XKR9: variants seen among roughly 807,000 people sequenced by gnomAD.
XKR9 encodes XK-related protein 9.
In XKR9, 32 loss-of-function variants were observed where a neutral mutation model predicts 32.0. The observed-to-expected ratio is 1.00, with a 90% CI of 0.76 to 1.34. The LOEUF is 1.34. XKR9 is among the 40% of genes most tolerant of loss of function. The pLI is 0.00. For synonymous variants in XKR9, 168 were observed against 143.4 expected (o/e 1.17, Z -1.22); for missense variants, 546 against 429.7 (o/e 1.27, Z -2.39).
chr8:70,744,391 C>T (rs1266428070), intron 2 of XKR9, among the ~76,000 whole-genome samples: 1 of 152,114 alleles, frequency 6.6e-6, no homozygotes. Flanking sequence ...CTCATCCCTA[C>T]TTATGACCCT....
chr8:70,682,899 A>G (rs1161689564), intron 3 of XKR9, among the ~76,000 whole-genome samples: 2 of 152,214 alleles, frequency 1.3e-5, no homozygotes, highest in Non-Finnish European at 2.9e-5. Flanking sequence ...CATCTTGAAG[A>G]TCTTCTGAAG....
chr8:70,771,236 G>A (rs941440370), intron 2 of XKR9, among the ~76,000 whole-genome samples: 2 of 152,146 alleles, frequency 1.3e-5, no homozygotes, highest in East Asian at 1.9e-4. Context: ...CCCTCTGTGA[G>A]CTACACTCAC....
intron 2 of XKR9, among the ~76,000 whole-genome samples, chr8:70,754,794 TA>T (rs1322560420): frequency 6.6e-6 from 1 of 151,810 alleles, no homozygotes; most frequent in Non-Finnish European, 1.5e-5. Context: ...ATGTTAGACC[TA>T]AAACCATAAA....
chr8:70,874,191 T>C, the XKR9 span, among the ~76,000 whole-genome samples: 8 of 152,208 alleles, frequency 5.3e-5, no homozygotes, highest in Admixed American at 4.6e-4. Context: ...CTTACTTTAT[T>C]GTGATATTTG....
intron 2 of XKR9, among the ~76,000 whole-genome samples, chr8:70,779,597 G>T (rs1287274644): frequency 6.6e-6 from 1 of 152,204 alleles, no homozygotes; most frequent in South Asian, 2.1e-4. Flanking sequence ...GCTTTTTTTG[G>T]TTGGTAGGCT....
chr8:70,832,049 T>C, the XKR9 span, among the ~76,000 whole-genome samples: 1 of 152,170 alleles, frequency 6.6e-6, no homozygotes. Flanking sequence ...GACTTAAACA[T>C]AAAAATTAAC....
intron 4 of XKR9, among the ~76,000 whole-genome samples, chr8:70,724,128 G>A (rs541475575): frequency 2.0e-5 from 3 of 152,246 alleles, no homozygotes; most frequent in South Asian, 2.1e-4. Flanking sequence ...CAGCCATTTT[G>A]CTGTGCTGTG....
At chr8:70,798,645 G>T in the XKR9 span, among the ~76,000 whole-genome samples, 1 of 152,112 alleles carries the variant, frequency 6.6e-6, no homozygotes, top group African/African-American at 2.4e-5. Flanking sequence ...GTCTGGAATG[G>T]TATTTCCTAG....
chr8:70,723,245 G>T (rs1347322866), intron 4 of XKR9, among the ~76,000 whole-genome samples: 1 of 152,072 alleles, frequency 6.6e-6, no homozygotes, highest in Admixed American at 6.6e-5. Flanking sequence ...ATTAAAACAT[G>T]CTCCTTTAGC....
At chr8:70,805,347 C>T in the XKR9 span, among the ~76,000 whole-genome samples, 2 of 152,230 alleles carry the variant, frequency 1.3e-5, no homozygotes, top group African/African-American at 4.8e-5. Flanking sequence ...TGCGCATATT[C>T]TCAACAGTCT....
intron 4 of XKR9, among the ~76,000 whole-genome samples, chr8:70,726,801 A>T (rs1806484845): frequency 6.6e-6 from 1 of 152,212 alleles, no homozygotes; most frequent in African/African-American, 2.4e-5. Context: ...ATTTTGAGAA[A>T]GTTAGCTAAA....
At position 70,734,374 on chromosome 8, in the gene XKR9, G is replaced by T. The variant is rs1209176366; in HGVS notation, c.1072G>T (p.Gly358Ter). The change falls in exon 5 of 5, where the codon GGA becomes TGA. Residue 358 changes from glycine (G) to a stop codon, truncating the protein, a stop_gained. Coordinates refer to ENST00000408926, the MANE Select transcript of XKR9 (RefSeq NM_001011720.2). LOFTEE classifies it high-confidence loss of function. ...SAETKCDEID[G>*]KPVLRECRMR... is the part of the protein sequence containing the mutation. ...AGAAACAAAATGTGATGAAATTGATGGAAAACCAGTTCTAAGAGAATGTAG... is the reference window on the plus strand; with the variant it reads ...AGAAACAAAATGTGATGAAATTGATTGAAAACCAGTTCTAAGAGAATGTAG... 3.1e-6 allele frequency: 5 copies of T among 1,608,754 alleles called. No individual in the cohort carries two copies. Among genetic ancestry groups the T allele is most frequent in the Non-Finnish European group, 4.2e-6 (5 of 1,179,068 alleles).
chr8:70,993,598 ACATCTTCCTTCCTTCCTTC>A, the XKR9 span, among the ~76,000 whole-genome samples: 1,055 of 136,716 alleles, frequency 7.7e-3, 15 homozygotes, highest in Middle Eastern at 0.011. Context: ...GTTTCATAGG[ACATCTTCCTTCCTTCCTTC>A]CTTCCTTCCT....
the XKR9 span, among the ~76,000 whole-genome samples, chr8:70,813,074 G>T: frequency 6.6e-6 from 1 of 152,104 alleles, no homozygotes; most frequent in Non-Finnish European, 1.5e-5. Context: ...AAAACAGCAT[G>T]GTACTGGTAC....
At chr8:71,057,463 G>A in the XKR9 span, among the ~76,000 whole-genome samples, 3 of 152,132 alleles carry the variant, frequency 2.0e-5, no homozygotes, top group Non-Finnish European at 4.4e-5. Flanking sequence ...TTCTCCCTAA[G>A]TCCTGTTAAA....
intron 1 of XKR9, among the ~76,000 whole-genome samples, chr8:70,671,229 G>C (rs929168064): frequency 6.6e-6 from 1 of 152,048 alleles, no homozygotes; most frequent in African/African-American, 2.4e-5. Flanking sequence ...TAGCTCCCAC[G>C]TATGAATGAG....
chr8:70,755,330 C>G (rs1366598458), intron 2 of XKR9, among the ~76,000 whole-genome samples: 5 of 152,152 alleles, frequency 3.3e-5, no homozygotes, highest in Non-Finnish European at 1.5e-5. Flanking sequence ...ACTAGTTCAA[C>G]CATTGTGGAA....
intron 2 of XKR9, among the ~76,000 whole-genome samples, chr8:70,771,707 T>A (rs1400424507): frequency 1.3e-5 from 2 of 152,122 alleles, no homozygotes; most frequent in Non-Finnish European, 2.9e-5. Context: ...TTTGGTAGGG[T>A]GGTAATAGCT....
chr8:70,887,282 A>G, the XKR9 span, among the ~76,000 whole-genome samples: 2 of 152,066 alleles, frequency 1.3e-5, no homozygotes, highest in Non-Finnish European at 2.9e-5. Context: ...ATTGGTCTAT[A>G]TATCTGTTTT....
Sources: gnomAD v4.1 joint callset for allele counts (sites outside exome capture counted in the v4.1 genomes callset) on GRCh38, gnomAD v4.1.1 for gene constraint, MANE v1.5 for transcripts, NCBI Gene and HGNC (gene_info 2026-07-23, HGNC 2026-07-21) for gene names.